Variants in SEMA3E observed in about 807,000 individuals in gnomAD.
The protein encoded by SEMA3E is semaphorin 3E.
A neutral mutation model predicts 93.6 loss-of-function variants in SEMA3E; 49 were observed. The ratio of observed to expected loss-of-function variants is 0.52; its 90% CI spans 0.42 to 0.66. The LOEUF is 0.66. SEMA3E is among the 30% of genes least tolerant of loss of function. The probability of loss-of-function intolerance (pLI) is 0.00; values close to 1 mark genes in which losing one functional copy is unlikely to be tolerated. For synonymous variants in SEMA3E, 363 were observed against 330.7 expected (o/e 1.10, Z -1.06); for missense variants, 906 against 964.8 (o/e 0.94, Z 0.81).
At chr7:83,582,858 T>C (rs942086621) in intron 1 of SEMA3E, among the ~76,000 whole-genome samples, 1 of 151,992 alleles carries the variant, frequency 6.6e-6, no homozygotes, top group African/African-American at 2.4e-5. Flanking sequence ...ACATAAGTAA[T>C]GAAAAATATT....
chr7:83,643,495 A>G (rs933323340), intron 1 of SEMA3E, among the ~76,000 whole-genome samples: 1 of 151,934 alleles, frequency 6.6e-6, no homozygotes, highest in Non-Finnish European at 1.5e-5. Flanking sequence ...CCCTATTACC[A>G]TACTAAAAGA....
At chr7:83,629,798 G>T (rs928949424) in intron 1 of SEMA3E, among the ~76,000 whole-genome samples, 4 of 152,106 alleles carry the variant, frequency 2.6e-5, no homozygotes, top group African/African-American at 9.7e-5. Context: ...GGGAGCGAAC[G>T]GATCTGCCTC....
At chr7:83,372,239 T>C (rs2723005) in intron 16 of SEMA3E, 280,638 of 397,762 alleles carry the variant, frequency 0.71, 105,093 homozygotes, top group East Asian at 0.85. Context: ...ACTTAGTAAC[T>C]GATGAAAGAG....
chr7:83,511,752 A>G (rs1790824971), intron 1 of SEMA3E, among the ~76,000 whole-genome samples: 1 of 151,982 alleles, frequency 6.6e-6, no homozygotes, highest in Admixed American at 6.6e-5. Context: ...AAAATTGCCC[A>G]GGCATGGTGG....
At chr7:83,395,773 T>TTTC (rs149537945) in intron 12 of SEMA3E, among the ~76,000 whole-genome samples, 1 of 151,472 alleles carries the variant, frequency 6.6e-6, no homozygotes, top group Non-Finnish European at 1.5e-5. Flanking sequence ...CGTTGAAAAC[T>TTTC]CTTAGATAAG....
Position 83,455,771 on chromosome 7 carries a change from C to T in SEMA3E, c.456+10711G>A, listed in dbSNP as rs538469168. Among the ~76,000 whole-genome samples, 230 of 152,298 alleles carry T rather than the reference C, an allele frequency of 1.5e-3. 1 individual carries two copies. Among genetic ancestry groups the T allele is most frequent in the Non-Finnish European group, 2.2e-3 (149 of 68,026 alleles). ...GTATGCAGCCATGTTATGACAGGGC[C>T]GCATGGCAAGGAACTGCATGTGACC... On this transcript the variant is annotated intron_variant, in intron 4 of 16. Transcript: ENST00000643230.
intron 2 of SEMA3E, among the ~76,000 whole-genome samples, chr7:83,472,746 C>A (rs547063302): frequency 1.3e-5 from 2 of 152,310 alleles, no homozygotes; most frequent in South Asian, 4.1e-4. Flanking sequence ...CCACTCAAAT[C>A]TCATCTTGAA....
chr7:83,494,632 C>T (rs1790450982), intron 1 of SEMA3E, among the ~76,000 whole-genome samples: 1 of 151,822 alleles, frequency 6.6e-6, no homozygotes, highest in Non-Finnish European at 1.5e-5. Context: ...CAAACAGAAG[C>T]CAAGGTAATT....
intron 12 of SEMA3E, among the ~76,000 whole-genome samples, chr7:83,396,093 A>ATATATATGCACACATATATATG (rs1177622360): frequency 6.6e-6 from 1 of 151,248 alleles, no homozygotes; most frequent in Non-Finnish European, 1.5e-5. Context: ...GTGCATTTAT[A>ATATATATGCACACATATATATG]TATATGCACA....
intron 4 of SEMA3E, among the ~76,000 whole-genome samples, chr7:83,429,068 T>C (rs1204187494): frequency 6.6e-6 from 1 of 152,128 alleles, no homozygotes; most frequent in Non-Finnish European, 1.5e-5. Context: ...TAATGCATAA[T>C]CAAGGCCCAA....
intron 4 of SEMA3E, among the ~76,000 whole-genome samples, chr7:83,433,276 A>G (rs1443839908): frequency 6.6e-6 from 1 of 152,106 alleles, no homozygotes; most frequent in Non-Finnish European, 1.5e-5. Context: ...TGTAATATAT[A>G]TATTTGGAGG....
intron 1 of SEMA3E, among the ~76,000 whole-genome samples, chr7:83,545,222 G>A (rs181451863): frequency 0.013 from 2,048 of 152,000 alleles, 41 homozygotes; most frequent in African/African-American, 0.045. Flanking sequence ...AAGCTACATG[G>A]GGGCATAGCC....
At chr7:83,431,708 C>T (rs1788887347) in intron 4 of SEMA3E, among the ~76,000 whole-genome samples, 1 of 152,134 alleles carries the variant, frequency 6.6e-6, no homozygotes, top group South Asian at 2.1e-4. Context: ...TTGTACCCAG[C>T]CCAAGCAAGT....
chr7:83,547,235 GTTATTAT>G (rs1791670736), intron 1 of SEMA3E, among the ~76,000 whole-genome samples: 5 of 152,058 alleles, frequency 3.3e-5, no homozygotes, highest in African/African-American at 1.2e-4. Flanking sequence ...AATATTTTAA[GTTATTAT>G]TAATTAGCAT....
At chr7:83,633,834 C>T (rs1026875607) in intron 1 of SEMA3E, among the ~76,000 whole-genome samples, 1 of 152,212 alleles carries the variant, frequency 6.6e-6, no homozygotes, top group African/African-American at 2.4e-5. Flanking sequence ...AAACTTGGAG[C>T]TTGGCTGGGG....
intron 1 of SEMA3E, among the ~76,000 whole-genome samples, chr7:83,585,060 C>A (rs1029278648): frequency 1.3e-5 from 2 of 152,144 alleles, no homozygotes; most frequent in Non-Finnish European, 2.9e-5. Context: ...TCTTTGAAGA[C>A]ACTAAGCATT....
chr7:83,384,342 A>G (rs1417722639), intron 16 of SEMA3E, among the ~76,000 whole-genome samples: 1 of 152,066 alleles, frequency 6.6e-6, no homozygotes, highest in Non-Finnish European at 1.5e-5. Context: ...TTCACTCTCT[A>G]TCCAAAATGC....
At chr7:83,420,496 AAAGT>A (rs1788651429) in intron 4 of SEMA3E, among the ~76,000 whole-genome samples, 1 of 152,200 alleles carries the variant, frequency 6.6e-6, no homozygotes, top group South Asian at 2.1e-4. Flanking sequence ...CTGAATAGCC[AAAGT>A]AATGCTAAGC....
chr7:83,459,398 A>C (rs1449064049), intron 4 of SEMA3E, among the ~76,000 whole-genome samples: 8 of 152,182 alleles, frequency 5.3e-5, no homozygotes, highest in Admixed American at 5.2e-4. Flanking sequence ...AATAAATGAA[A>C]CTGAATTTGT....
Sources: allele counts gnomAD v4.1 joint callset (sites outside exome capture counted in the v4.1 genomes callset), GRCh38; gene constraint gnomAD v4.1.1; transcripts MANE v1.5; gene names NCBI Gene and HGNC (gene_info 2026-07-23, HGNC 2026-07-21).